SLC15A1: variants seen among roughly 807,000 people sequenced by gnomAD.
SLC15A1 encodes solute carrier family 15 member 1.
SLC15A1 carries 83 observed loss-of-function variants against 92.9 expected under a neutral mutation model. That is an observed-to-expected ratio of 0.89 (90% CI 0.75 to 1.07). The LOEUF is 1.07. Ranked by LOEUF, SLC15A1 falls within the 50% of genes least tolerant of loss-of-function variation. The pLI is 0.00. For synonymous variants in SLC15A1, 322 were observed against 318.2 expected, an observed-to-expected ratio of 1.01 and a Z score of -0.13; for missense variants, 857 against 880.1, an observed-to-expected ratio of 0.97 and a Z score of 0.33.
Position 98,719,286 on chromosome 13 carries a change from A to G in SLC15A1, c.591T>C (p.Cys197=). The change falls in exon 8 of 23, where the codon TGT becomes TGC. Residue 197 remains cysteine, a synonymous_variant. Coordinates refer to ENST00000376503, the MANE Select transcript of SLC15A1 (RefSeq NM_005073.4). ...CAGGAACCCCAAAGGCCAGTGGGTA[A>G]CAAGCTTGTTTACTGTGAATTCCAC... ...QQCGIHSKQA[C]YPLAFGVPAA... 1.2e-6 allele frequency: 2 copies of G among 1,613,812 alleles called. No individual in the cohort carries two copies. Among genetic ancestry groups the G allele is most frequent in the South Asian group, 1.1e-5 (1 of 91,076 alleles).
At chr13:98,721,162 G>A (rs929055412) in intron 7 of SLC15A1, 14 of 527,670 alleles carry the variant, frequency 2.7e-5, no homozygotes, top group Middle Eastern at 2.9e-4. Flanking sequence ...TGGCAGCTAC[G>A]GCCACCAGCT....
intron 17 of SLC15A1, 94 bp downstream of exon 17, chr13:98,704,195 A>G: frequency 8.6e-7 from 1 of 1,164,686 alleles, no homozygotes; most frequent in Non-Finnish European, 1.2e-6. Context: ...CTAATATAAC[A>G]CTATATGGGA....
chr13:98,726,783 T>C, intron 2 of SLC15A1, 60 bp downstream of exon 2: 1 of 1,529,072 alleles, frequency 6.5e-7, no homozygotes, highest in Non-Finnish European at 9.1e-7. Flanking sequence ...CCCTTAGGGG[T>C]AAAACAGATG....
At chr13:98,727,799 A>C (rs928565325) in intron 1 of SLC15A1, among the ~76,000 whole-genome samples, 1 of 152,010 alleles carries the variant, frequency 6.6e-6, no homozygotes, top group African/African-American at 2.4e-5. Flanking sequence ...CAGGACATCC[A>C]TCCCCTTCCC....
At chr13:98,711,117 A>G (rs1163518010) in intron 11 of SLC15A1, among the ~76,000 whole-genome samples, 4 of 152,160 alleles carry the variant, frequency 2.6e-5, no homozygotes, top group African/African-American at 9.7e-5. Context: ...CTCCCAAGCA[A>G]TGGCTTATCC....
chr13:98,737,635 G>A (rs2088405170), intron 1 of SLC15A1, among the ~76,000 whole-genome samples: 2 of 152,132 alleles, frequency 1.3e-5, no homozygotes, highest in Admixed American at 6.5e-5. Context: ...ATGCTGCCAT[G>A]CTTCCTGTAC....
At chr13:98,694,145 T>A (rs2088004324) in intron 18 of SLC15A1, among the ~76,000 whole-genome samples, 1 of 152,224 alleles carries the variant, frequency 6.6e-6, no homozygotes. Context: ...AGATGAAATC[T>A]TTTTAAAGCA....
intron 1 of SLC15A1, among the ~76,000 whole-genome samples, chr13:98,728,896 G>T (rs994622034): frequency 7.0e-6 from 1 of 143,154 alleles, no homozygotes; most frequent in East Asian, 2.2e-4. Flanking sequence ...CAGGAGAATT[G>T]CTAGGACCTG....
intron 15 of SLC15A1, 30 bp downstream of exon 15, chr13:98,708,656 A>G: frequency 6.3e-7 from 1 of 1,588,846 alleles, no homozygotes; most frequent in Non-Finnish European, 8.6e-7. Context: ...CCACCAGGAA[A>G]GGACATGGGA....
chr13:98,706,343 C>T (rs912387185), intron 15 of SLC15A1, 90 bp from the exon 16 acceptor site: 2 of 1,454,280 alleles, frequency 1.4e-6, no homozygotes, highest in South Asian at 2.5e-5. Flanking sequence ...TTTCCTCCAG[C>T]TGGGAAAAGC....
At chr13:98,687,332 G>A (rs1241649625) in intron 21 of SLC15A1, among the ~76,000 whole-genome samples, 2 of 152,140 alleles carry the variant, frequency 1.3e-5, no homozygotes, top group African/African-American at 4.8e-5. Flanking sequence ...GGCGCTAAAT[G>A]TCTAGGGTAT....
chr13:98,714,451 G>A (rs904373833), intron 9 of SLC15A1, among the ~76,000 whole-genome samples: 1 of 152,026 alleles, frequency 6.6e-6, no homozygotes, highest in Non-Finnish European at 1.5e-5. Flanking sequence ...GAGGTCAGGG[G>A]TTTGAGACCA....
At position 98,752,598 on chromosome 13, in the gene SLC15A1, T is replaced by TGGC. The variant is rs1301918841; in HGVS notation, c.-3_-1dup. 2.4e-6 allele frequency: 3 copies of TGGC among 1,255,748 alleles called. No individual in the cohort carries two copies. The African/African-American group carries it at 4.7e-5, about 20-fold the overall frequency. 77.8% of individuals were successfully genotyped at this position (1,255,748 alleles called of 1,614,324 possible). On this transcript the variant is annotated 5_prime_UTR_variant, in exon 1 of 23. Coordinates refer to ENST00000376503, the MANE Select transcript of SLC15A1 (RefSeq NM_005073.4). ...GCCCCCCACCCGCCGAGCGTACCCA[T>TGGC]GGCGGCGGCTCCCAGGGCTCCTGCG...
At chr13:98,734,865 A>C (rs1008688272) in intron 1 of SLC15A1, among the ~76,000 whole-genome samples, 2 of 152,250 alleles carry the variant, frequency 1.3e-5, no homozygotes, top group South Asian at 2.1e-4. Flanking sequence ...AACCAAAAAA[A>C]GTCCAGGACC....
At chr13:98,730,456 G>T in intron 1 of SLC15A1, among the ~76,000 whole-genome samples, 1 of 152,350 alleles carries the variant, frequency 6.6e-6, no homozygotes, top group South Asian at 2.1e-4. Flanking sequence ...AGTGAGACCT[G>T]TCGTGGGATG....
rs745924829 is a variant in SLC15A1 at position 98,707,891 on chromosome 13, TAAAAAAAAAA to T, written c.1149+785_1149+794del. Among the ~76,000 whole-genome samples, 12 of 106,846 alleles carry T rather than the reference TAAAAAAAAAA, an allele frequency of 1.1e-4. No individual in the cohort carries two copies. In the East Asian group the frequency reaches 1.6e-3, roughly 14 times the overall value. The allele number at this position is 106,846 out of a possible 152,430, so 70.1% of individuals were successfully genotyped here. A position where few individuals can be genotyped will look rare whatever the true frequency, so the allele number is the denominator to read the frequency against. ...CTAGGCGACAGAGTGAGACCCTGTTTAAAAAAAAAAAAAAAAAAAAAAAAAAAAAAGAATA... is the reference window on the plus strand; with the variant it reads ...CTAGGCGACAGAGTGAGACCCTGTTTAAAAAAAAAAAAAAAAAAAAGAATA... On this transcript the variant is annotated intron_variant, in intron 15 of 22. Coordinates refer to ENST00000376503, the MANE Select transcript of SLC15A1 (RefSeq NM_005073.4).
chr13:98,749,988 A>T (rs2088529391), intron 1 of SLC15A1, among the ~76,000 whole-genome samples: 1 of 152,098 alleles, frequency 6.6e-6, no homozygotes, highest in Non-Finnish European at 1.5e-5. Flanking sequence ...CAGGACCCGA[A>T]GCATTTCCTA....
At chr13:98,698,823 A>G (rs900614762) in intron 18 of SLC15A1, among the ~76,000 whole-genome samples, 2 of 152,148 alleles carry the variant, frequency 1.3e-5, no homozygotes, top group African/African-American at 4.8e-5. Context: ...TACAAAATAT[A>G]CTATTACTGT....
Position 98,726,342 on chromosome 13 carries a change from G to T in SLC15A1, c.103+26C>A, listed in dbSNP as rs2088300271. On this transcript the variant is annotated intron_variant, in intron 3 of 22. Transcript: ENST00000376503. ...ATGGCCACTCCCGCTCTTCCCTGAA[G>T]GGTGAGAAACGGCCAATACAGTTAC... The T allele has an allele frequency of 2.5e-6, 4 of 1,613,960 alleles. No homozygotes were observed. In the South Asian group the frequency reaches 4.4e-5, roughly 18 times the overall value.
Sources: gnomAD v4.1 joint callset for allele counts (sites outside exome capture counted in the v4.1 genomes callset) on GRCh38, gnomAD v4.1.1 for gene constraint, MANE v1.5 for transcripts, NCBI Gene and HGNC (gene_info 2026-07-23, HGNC 2026-07-21) for gene names.